The following ASNS variants were observed in gnomAD, a reference collection of about 807,000 sequenced individuals.
ASNS encodes asparagine synthetase (glutamine-hydrolyzing), also known as asparagine synthetase [glutamine-hydrolyzing].
A neutral mutation model predicts 62.6 loss-of-function variants in ASNS; 37 were observed. That is an observed-to-expected ratio of 0.59 (90% CI 0.45 to 0.78). The LOEUF is 0.78. Ranked by LOEUF, ASNS falls within the 30% of genes least tolerant of loss-of-function variation. ASNS has a pLI of 0.00. For synonymous variants in ASNS, 207 were observed against 237.9 expected (o/e 0.87, Z 1.19); for missense variants, 520 against 682.4 (o/e 0.76, Z 2.65).
At chr7:97,906,847 A>G in the ASNS span, 1 of 152,046 alleles carries the variant, frequency 6.6e-6, no homozygotes, top group Non-Finnish European at 1.5e-5. Context: ...TCGAGTCCAC[A>G]TCTAAAGTCA....
chr7:97,876,302 C>T (rs1463998874), upstream of ASNS, among the ~76,000 whole-genome samples: 1 of 152,258 alleles, frequency 6.6e-6, no homozygotes, highest in East Asian at 1.9e-4. Context: ...TGACCGTCAC[C>T]TTTGGCAAGT....
chr7:97,899,962 T>G, the ASNS span, among the ~76,000 whole-genome samples: 2 of 152,196 alleles, frequency 1.3e-5, no homozygotes, highest in Non-Finnish European at 2.9e-5. Context: ...AAGTGGCCAA[T>G]AAGCACATGA....
rs576307404 is a variant in ASNS at position 97,852,159 on chromosome 7, C to T, written c.*100G>A. The T allele has an allele frequency of 7.4e-7, 1 of 1,345,384 alleles. No individual in the cohort carries two copies. Among genetic ancestry groups the T allele is most frequent in the African/African-American group, 1.5e-5 (1 of 67,992 alleles). The allele number at this position is 1,345,384 out of a possible 1,614,324, so 83.3% of individuals were successfully genotyped here. A position where few individuals can be genotyped will look rare whatever the true frequency, so the allele number is the denominator to read the frequency against. On this transcript the variant is annotated 3_prime_UTR_variant, in exon 13 of 13. Coordinates refer to ENST00000394308, the MANE Select transcript of ASNS (RefSeq NM_001673.5). ...TTTAGGACTTTTATTTTTTTCACACCCAAGTTAGCCTGAGTTGACTCTCAT... is the reference window on the plus strand; with the variant it reads ...TTTAGGACTTTTATTTTTTTCACACTCAAGTTAGCCTGAGTTGACTCTCAT...
chr7:97,901,957 A>G, the ASNS span, among the ~76,000 whole-genome samples: 1 of 152,050 alleles, frequency 6.6e-6, no homozygotes, highest in Non-Finnish European at 1.5e-5. Context: ...TAGCCTGGGC[A>G]ATAAAGCAAG....
the ASNS span, among the ~76,000 whole-genome samples, chr7:97,904,556 A>C: frequency 6.6e-6 from 1 of 152,092 alleles, no homozygotes; most frequent in Non-Finnish European, 1.5e-5. Flanking sequence ...AGAATGCTAG[A>C]GAGTCTTGTA....
chr7:97,883,739 G>A, the ASNS span, among the ~76,000 whole-genome samples: 2 of 152,134 alleles, frequency 1.3e-5, no homozygotes, highest in Non-Finnish European at 2.9e-5. Flanking sequence ...TGTAATCCCA[G>A]CACTTTGGGA....
In ASNS at chr7:97,858,386, C is replaced by T. The variant is rs767612462; in HGVS notation, c.795G>A (p.Leu265=). The T allele has an allele frequency of 6.2e-7, 1 of 1,614,124 alleles. No individual in the cohort carries two copies. Among genetic ancestry groups the T allele is most frequent in the Non-Finnish European group, 8.5e-7 (1 of 1,179,996 alleles). Residue 265 remains leucine, a synonymous_variant, in exon 7 of 13, where the codon TTG becomes TTA. Coordinates refer to ENST00000394308, the MANE Select transcript of ASNS (RefSeq NM_001673.5). ...GCTGCTTCAACAGAGTGGCAGCAAC[C>T]AAGCTGGAGTCCAAGCCCCCTACAT... ...CLLSGGLDSS[L]VAATLLKQLK...
At chr7:97,907,830 AGAG>A in the ASNS span, among the ~76,000 whole-genome samples, 1 of 152,136 alleles carries the variant, frequency 6.6e-6, no homozygotes, top group Non-Finnish European at 1.5e-5. Flanking sequence ...TAAGGGAAAT[AGAG>A]TATAATCCAA....
In ASNS at chr7:97,853,404, G is replaced by T; in HGVS notation, c.1239-18C>A. The T allele has an allele frequency of 6.2e-7, 1 of 1,603,526 alleles. No homozygotes were observed. Among genetic ancestry groups the T allele is most frequent in the Non-Finnish European group, 8.5e-7 (1 of 1,173,754 alleles). ...GTTCAAGACTTAAAGGAGAAAAGAAGAAAATCTAAATTAAAATGGGTATTT... is the reference window on the plus strand; with the variant it reads ...GTTCAAGACTTAAAGGAGAAAAGAATAAAATCTAAATTAAAATGGGTATTT... On this transcript the variant is annotated intron_variant, in intron 10 of 12. Transcript: ENST00000394308.
intron 9 of ASNS, 113 bp downstream of exon 9, chr7:97,855,240 C>T: frequency 1.3e-6 from 1 of 743,324 alleles, no homozygotes; most frequent in Non-Finnish European, 2.2e-6. Context: ...CTTTTGTAAC[C>T]TCACAAGATA....
intron 3 of ASNS, 26 bp downstream of exon 3, chr7:97,868,882 C>T (rs1411297372): frequency 1.2e-6 from 2 of 1,610,146 alleles, no homozygotes; most frequent in East Asian, 2.2e-5. Context: ...TAATCGCATC[C>T]AGACATCTGG....
the ASNS span, among the ~76,000 whole-genome samples, chr7:97,902,239 G>A: frequency 6.6e-6 from 1 of 151,988 alleles, no homozygotes; most frequent in African/African-American, 2.4e-5. Flanking sequence ...CACCTTGAAA[G>A]GGTCCTCTTG....
At chr7:97,893,027 A>G in the ASNS span, among the ~76,000 whole-genome samples, 35 of 152,260 alleles carry the variant, frequency 2.3e-4, no homozygotes, top group Non-Finnish European at 3.5e-4. Flanking sequence ...TGGGAAATTT[A>G]CAAAAGAAAG....
chr7:97,910,683 C>T, the ASNS span, among the ~76,000 whole-genome samples: 116 of 151,962 alleles, frequency 7.6e-4, 2 homozygotes, highest in East Asian at 0.011. Flanking sequence ...CTCACTGCAA[C>T]TTCCGCCTCC....
chr7:97,892,695 G>C, the ASNS span, among the ~76,000 whole-genome samples: 1 of 152,134 alleles, frequency 6.6e-6, no homozygotes. Context: ...AAAGCCACCA[G>C]TCTCTTTGCT....
chr7:97,896,928 C>G, the ASNS span, among the ~76,000 whole-genome samples: 1 of 150,486 alleles, frequency 6.6e-6, no homozygotes, highest in Non-Finnish European at 1.5e-5. Context: ...AAGGACACCC[C>G]ACCCTCTTCA....
At chr7:97,909,597 C>T in the ASNS span, among the ~76,000 whole-genome samples, 3 of 152,212 alleles carry the variant, frequency 2.0e-5, no homozygotes, top group Non-Finnish European at 4.4e-5. Flanking sequence ...TGTGAGCCAC[C>T]GTGCCCAGCC....
Position 97,859,358 on chromosome 7 carries a change from T to C in ASNS, c.528A>G (p.Lys176=). Residue 176 remains lysine (K), a synonymous_variant, in exon 5 of 13, where the codon AAA becomes AAG. Coordinates refer to ENST00000394308, the MANE Select transcript of ASNS (RefSeq NM_001673.5). ...AGTGTCCAGGAAGAAAAGGCTCCAC[T>C]TTTAAAAAGGGAGTCGCGGAGTGCT... The part of the protein sequence containing the change: ...TLKHSATPFL[K]VEPFLPGHYE... 2.5e-6 allele frequency: 4 copies of C among 1,613,604 alleles called. No individual in the cohort carries two copies. Among genetic ancestry groups the C allele is most frequent in the Non-Finnish European group, 3.4e-6 (4 of 1,179,788 alleles).
At chr7:97,868,257 G>A (rs535235746) in intron 3 of ASNS, among the ~76,000 whole-genome samples, 11 of 152,202 alleles carry the variant, frequency 7.2e-5, no homozygotes, top group Non-Finnish European at 1.3e-4. Flanking sequence ...GCAGTAAGCC[G>A]AGATCGCACC....
Sources: gnomAD v4.1 joint callset for allele counts (sites outside exome capture counted in the v4.1 genomes callset) on GRCh38, gnomAD v4.1.1 for gene constraint, MANE v1.5 for transcripts, NCBI Gene and HGNC (gene_info 2026-07-23, HGNC 2026-07-21) for gene names.